Variants in GABRA2 observed in about 807,000 individuals in gnomAD.
The protein encoded by GABRA2 is gamma-aminobutyric acid type A receptor subunit alpha2.
GABRA2 carries 16 observed loss-of-function variants against 48.7 expected under a neutral mutation model. The ratio of observed to expected loss-of-function variants is 0.33; its 90% CI spans 0.22 to 0.50. The LOEUF (loss-of-function observed/expected upper bound fraction) is 0.50. GABRA2 is among the 20% of genes least tolerant of loss of function. The pLI is 0.98. For missense variants in GABRA2, 275 were observed against 535.6 expected, an observed-to-expected ratio of 0.51 and a Z score of 4.80; for synonymous variants, 185 against 184.5, an observed-to-expected ratio of 1.00 and a Z score of -0.02.
intron 8 of GABRA2, among the ~76,000 whole-genome samples, chr4:46,273,485 A>ATG (rs1719810240): frequency 4.2e-5 from 1 of 23,932 alleles, no homozygotes; most frequent in African/African-American, 2.6e-4. Flanking sequence ...ATATATATGC[A>ATG]TATATATATA....
In GABRA2 at chr4:46,303,552, A is replaced by G. The variant is rs767460850; in HGVS notation, c.764T>C (p.Ile255Thr). The G allele has an allele frequency of 1.2e-6, 2 of 1,613,982 alleles. No homozygotes were observed. The highest frequency in any genetic ancestry group is 1.7e-6 in the Non-Finnish European group (2 of 1,179,860). ...CATGATGCAAGGCAGATAGGTTTGA[A>G]TCACAAAATACCCAATTTTTCTTTT... ...HLKRKIGYFVIQTYLPCIMTV... is the reference protein window; with the variant it reads ...HLKRKIGYFVTQTYLPCIMTV... Residue 255 changes from isoleucine to threonine, a missense_variant, in exon 8 of 10, where the codon ATT (isoleucine) becomes ACT (threonine). Around this residue, in one of 4 missense-constraint regions of GABRA2, gnomAD observed 24 missense variants for 113.8 expected, o/e 0.21. Transcript: ENST00000381620.
In GABRA2 at chr4:46,343,039, AACTT is replaced by A. The variant is rs561997573; in HGVS notation, c.188-10361_188-10358del. 1.9e-3 allele frequency among the ~76,000 whole-genome samples: 291 copies of A among 152,094 alleles called. 2 individuals are homozygous for A. Among genetic ancestry groups the A allele is most frequent in the Non-Finnish European group, 1.6e-3 (108 of 67,944 alleles). ...ACTTTCTAAGCTTTTTTAAAATAGT[AACTT>A]ACTTAAGACTTTGTTGAAAGATCAC... is the stretch of plus-strand genomic sequence containing the variant. On this transcript the variant is annotated intron_variant, in intron 3 of 9. Coordinates refer to ENST00000381620, the MANE Select transcript of GABRA2 (RefSeq NM_000807.4).
intron 7 of GABRA2, 26 bp downstream of exon 7, chr4:46,305,542 C>G: frequency 6.2e-7 from 1 of 1,604,622 alleles, no homozygotes; most frequent in Middle Eastern, 1.7e-4. Flanking sequence ...TAGGCACCAG[C>G]TTTTTTAAAG....
At chr4:46,273,486 TATATATATATATATGC>T (rs1409134735) in intron 8 of GABRA2, among the ~76,000 whole-genome samples, 3 of 30,302 alleles carry the variant, frequency 9.9e-5, no homozygotes, top group African/African-American at 2.8e-4. Flanking sequence ...TATATATGCA[TATATATATATATATGC>T]ATATATATAT....
chr4:46,366,341 A>G (rs1184182243), intron 3 of GABRA2: 1 of 152,096 alleles, frequency 6.6e-6, no homozygotes, highest in Non-Finnish European at 1.5e-5. Context: ...CAAATAAAAG[A>G]ATGAAACTGC....
At chr4:46,259,716 T>C (rs1716576985) in intron 9 of GABRA2, among the ~76,000 whole-genome samples, 1 of 151,850 alleles carries the variant, frequency 6.6e-6, no homozygotes, top group African/African-American at 2.4e-5. Flanking sequence ...TGTTTACTAA[T>C]GTCAAAACAA....
chr4:46,286,160 T>C (rs1722504971), intron 8 of GABRA2, among the ~76,000 whole-genome samples: 1 of 152,066 alleles, frequency 6.6e-6, no homozygotes, highest in African/African-American at 2.4e-5. Context: ...TCTGTCTCTA[T>C]GGATTTGTCT....
intron 3 of GABRA2, among the ~76,000 whole-genome samples, chr4:46,357,767 T>C (rs1736243445): frequency 6.6e-6 from 1 of 151,316 alleles, no homozygotes; most frequent in Non-Finnish European, 1.5e-5. Context: ...TTCACATGAT[T>C]CTCCTGCCTC....
intron 4 of GABRA2, among the ~76,000 whole-genome samples, chr4:46,317,466 T>TA (rs1404657819): frequency 6.6e-6 from 1 of 151,698 alleles, no homozygotes; most frequent in Non-Finnish European, 1.5e-5. Flanking sequence ...TGTAAATAAG[T>TA]AAATTAAGGT....
At chr4:46,349,602 C>A (rs373900381) in intron 3 of GABRA2, among the ~76,000 whole-genome samples, 2 of 151,856 alleles carry the variant, frequency 1.3e-5, no homozygotes, top group African/African-American at 4.8e-5. Context: ...CAATATTTTT[C>A]TTCTACAACA....
intron 3 of GABRA2, among the ~76,000 whole-genome samples, chr4:46,382,583 G>A (rs1716908028): frequency 6.6e-6 from 1 of 152,108 alleles, no homozygotes; most frequent in Non-Finnish European, 1.5e-5. Context: ...CAGTTGAGGG[G>A]CATGCTCTGA....
intron 9 of GABRA2, chr4:46,256,148 T>A (rs2109403839): frequency 3.8e-6 from 2 of 523,610 alleles, no homozygotes; most frequent in Non-Finnish European, 6.9e-6. Flanking sequence ...GATAATGCTA[T>A]TGTTAACTGT....
chr4:46,331,947 T>C (rs1250120118), intron 4 of GABRA2, among the ~76,000 whole-genome samples: 1 of 152,116 alleles, frequency 6.6e-6, no homozygotes, highest in Non-Finnish European at 1.5e-5. Flanking sequence ...AATTTCAAAC[T>C]CCTGGGATTA....
At chr4:46,261,845 A>AG (rs35496835) in intron 9 of GABRA2, 81 bp downstream of exon 9, 649,565 of 1,148,428 alleles carry the variant, frequency 0.57, 189,306 homozygotes, top group South Asian at 0.76. Context: ...CTTTAATGTC[A>AG]GTTTTTAGAA....
chr4:46,284,451 A>C (rs1722142011), intron 8 of GABRA2, among the ~76,000 whole-genome samples: 1 of 152,210 alleles, frequency 6.6e-6, no homozygotes, highest in Non-Finnish European at 1.5e-5. Flanking sequence ...TCAAGGATGT[A>C]AATAGCACTT....
chr4:46,309,976 G>T (rs1023583570), intron 6 of GABRA2, among the ~76,000 whole-genome samples, 197 bp downstream of exon 6: 2 of 152,136 alleles, frequency 1.3e-5, no homozygotes, highest in Non-Finnish European at 2.9e-5. Flanking sequence ...AGTCATAATT[G>T]TTTAACACCA....
intron 3 of GABRA2, among the ~76,000 whole-genome samples, chr4:46,338,658 C>T (rs989634771): frequency 2.0e-5 from 3 of 151,806 alleles, no homozygotes; most frequent in Non-Finnish European, 4.4e-5. Context: ...AATTACTTGA[C>T]TTTTGTAGGC....
chr4:46,325,320 C>T (rs1209003446), intron 4 of GABRA2, among the ~76,000 whole-genome samples: 2 of 151,928 alleles, frequency 1.3e-5, no homozygotes, highest in African/African-American at 4.8e-5. Context: ...TTTTGATTTG[C>T]ATTTCTCTAA....
intron 3 of GABRA2, among the ~76,000 whole-genome samples, chr4:46,348,726 G>A (rs536785525): frequency 1.3e-4 from 18 of 136,896 alleles, no homozygotes; most frequent in African/African-American, 4.9e-4. Flanking sequence ...ATTGAACAAT[G>A]AGAACACATG....
Sources: allele counts gnomAD v4.1 joint callset (sites outside exome capture counted in the v4.1 genomes callset), GRCh38; gene constraint gnomAD v4.1.1; regional missense constraint gnomAD v4.1.1; transcripts MANE v1.5; gene names NCBI Gene and HGNC (gene_info 2026-07-23, HGNC 2026-07-21).